PPL: variants seen among roughly 807,000 people sequenced by gnomAD.
The protein encoded by PPL is 190 kDa paraneoplastic pemphigus antigen.
In PPL, 198 loss-of-function variants were observed where a neutral mutation model predicts 194.4. The ratio of observed to expected loss-of-function variants is 1.02; its 90% CI spans 0.91 to 1.15. The LOEUF (loss-of-function observed/expected upper bound fraction) is 1.15, where lower values mean the gene tolerates loss of function less well. PPL is among the 50% of genes most tolerant of loss of function. The probability of loss-of-function intolerance (pLI) is 0.00; values close to 1 mark genes in which losing one functional copy is unlikely to be tolerated. For missense variants in PPL, 2,885 were observed against 2,294.8 expected, an observed-to-expected ratio of 1.26 and a Z score of -5.25; for synonymous variants, 1,220 against 972.4, an observed-to-expected ratio of 1.25 and a Z score of -4.74.
chr16:4,887,076 T>G, intron 21 of PPL, 59 bp downstream of exon 21: 1 of 1,319,876 alleles, frequency 7.6e-7, no homozygotes, highest in Non-Finnish European at 1.1e-6. Flanking sequence ...TAAGACAGAG[T>G]CTGTATTTGT....
In PPL at chr16:4,885,046, C is replaced by G; in HGVS notation, c.3609G>C (p.Arg1203=). The change falls in exon 22 of 22, where the codon CGG becomes CGC. Residue 1203 remains arginine (R), a synonymous_variant. Transcript: ENST00000345988. The surrounding 1 kb of genome is among the most constrained non-coding windows in gnomAD (Gnocchi z 6.3). ...LELVEQERKY[R]GAEEQLRSYQ... ...AGCTCCGGAGCTGCTCCTCGGCACC[C>G]CGGTACTTTCGCTCCTGCTCCACAA... is the stretch of plus-strand genomic sequence containing the variant. The G allele has an allele frequency of 1.2e-6, 2 of 1,613,678 alleles. No homozygotes were observed. Among genetic ancestry groups the G allele is most frequent in the Non-Finnish European group, 1.7e-6 (2 of 1,180,040 alleles).
chr16:4,888,200 C>A lies in PPL; in HGVS notation c.2416G>T (p.Glu806Ter). ...AAGTCGAGAAGAGACCTTAGTTTTTCTGCTTCTAACTCATAGTCCTGCATG... is the reference window on the plus strand; with the variant it reads ...AAGTCGAGAAGAGACCTTAGTTTTTATGCTTCTAACTCATAGTCCTGCATG... ...QAVKDYELEA[E>*]KLRSLLDLEN... The change falls in exon 20 of 22, where the codon GAA becomes TAA. Residue 806 changes from glutamate (E) to a stop codon, truncating the protein, a stop_gained. Coordinates refer to ENST00000345988, the MANE Select transcript of PPL (RefSeq NM_002705.5). LOFTEE classifies it high-confidence loss of function. The A allele has an allele frequency of 6.2e-7, 1 of 1,610,432 alleles. No homozygotes were observed. The highest frequency in any genetic ancestry group is 8.5e-7 in the Non-Finnish European group (1 of 1,176,646).
Position 4,904,016 on chromosome 16 carries a change from G to A in PPL, c.187C>T (p.Arg63Trp), listed in dbSNP as rs778454159. ...QSDLARLQEG[R>W]QPEHRDVTLQ... ...GTCACGTCCCGGTGCTCAGGCTGCC[G>A]ACCCTCCTGCAGCCGAGCCAGGTCC... Residue 63 changes from arginine to tryptophan, a missense_variant, in exon 3 of 22, where the codon CGG (arginine) becomes TGG (tryptophan). Coordinates refer to ENST00000345988, the MANE Select transcript of PPL (RefSeq NM_002705.5). 85 of 1,612,366 alleles carry A rather than the reference G, an allele frequency of 5.3e-5. No homozygotes were observed. The highest frequency in any genetic ancestry group is 2.2e-4 in the Admixed American group (13 of 59,976).
intron 1 of PPL, among the ~76,000 whole-genome samples, chr16:4,912,688 T>C (rs9925339): frequency 0.062 from 9,466 of 152,298 alleles, 459 homozygotes; most frequent in African/African-American, 0.13. Context: ...ATAAATTTCA[T>C]GGGAACGCAG....
chr16:4,894,803 A>C (rs574712009), intron 11 of PPL, among the ~76,000 whole-genome samples, 185 bp from the exon 12 acceptor site: 1 of 152,162 alleles, frequency 6.6e-6, no homozygotes, highest in South Asian at 2.1e-4. Context: ...CCAGCAACCC[A>C]CCTCCATTTC....
chr16:4,916,721 T>A (rs2088924217), intron 1 of PPL, among the ~76,000 whole-genome samples: 1 of 151,762 alleles, frequency 6.6e-6, no homozygotes, highest in Admixed American at 6.6e-5. Context: ...CCCCAGCTGG[T>A]CTTGAACCCC....
chr16:4,912,012 T>C (rs543061208), intron 1 of PPL, among the ~76,000 whole-genome samples: 1 of 152,350 alleles, frequency 6.6e-6, no homozygotes, highest in East Asian at 1.9e-4. Flanking sequence ...CTAATGCTTC[T>C]ATTTTGCCAT....
chr16:4,909,152 G>A (rs2088767368), intron 2 of PPL, among the ~76,000 whole-genome samples: 1 of 152,076 alleles, frequency 6.6e-6, no homozygotes, highest in African/African-American at 2.4e-5. Flanking sequence ...CCACTCCTGG[G>A]GCCCCTGCAG....
chr16:4,892,746 T>C (rs1567999461), intron 14 of PPL: 1 of 163,986 alleles, frequency 6.1e-6, no homozygotes, highest in Non-Finnish European at 1.3e-5. Flanking sequence ...GCCTTGAGGA[T>C]GTGGGAGACT....
At chr16:4,890,144 T>C (rs1347315230) in intron 18 of PPL, 40 bp downstream of exon 18, 1 of 1,613,526 alleles carries the variant, frequency 6.2e-7, no homozygotes, top group East Asian at 2.2e-5. Context: ...GACCCTCCCT[T>C]GCCAGTGTGT....
At chr16:4,904,531 C>T (rs4497689) in intron 2 of PPL, among the ~76,000 whole-genome samples, 143,305 of 151,986 alleles carry the variant, frequency 0.94, 68,164 homozygotes, top group East Asian at 1. Context: ...GAAGCCTCTT[C>T]GTGGTGGAGA....
Position 4,903,827 on chromosome 16 carries a change from C to T in PPL, c.317+59G>A. The T allele has an allele frequency of 5.6e-6, 9 of 1,595,918 alleles. No homozygotes were observed. In the South Asian group the frequency reaches 6.7e-5, roughly 12 times the overall value. On this transcript the variant is annotated intron_variant, in intron 3 of 21. Coordinates refer to ENST00000345988, the MANE Select transcript of PPL (RefSeq NM_002705.5). ...GGCTCCCAAATGCTGAACAGGACCC[C>T]CCGCCCTGGCCCATAGCCCCCAATG...
At position 4,884,648 on chromosome 16, in the gene PPL, A is replaced by G. The variant is rs761405383; in HGVS notation, c.4007T>C (p.Ile1336Thr). The G allele has an allele frequency of 6.2e-7, 1 of 1,613,900 alleles. No homozygotes were observed. Among genetic ancestry groups the G allele is most frequent in the Non-Finnish European group, 8.5e-7 (1 of 1,179,986 alleles). The stretch of plus-strand genomic sequence containing the variant: ...CGAGAGCTCCTCCTCTTTCCGGGCG[A>G]TCTGCTCTTCCTGGGAAGCTCTTTC... ...ERERASQEEQ[I>T]ARKEEELSRV... Residue 1336 changes from isoleucine (I) to threonine (T), a missense_variant, in exon 22 of 22, where the codon ATC (isoleucine) becomes ACC (threonine). Transcript: ENST00000345988. This position sits in a 1 kb window ranked among gnomAD's most constrained non-coding sequence, Gnocchi z 5.7.
rs766886810 is a variant in PPL at position 4,885,747 on chromosome 16, C to G, written c.2908G>C (p.Glu970Gln). The change falls in exon 22 of 22, where the codon GAG (glutamate) becomes CAG (glutamine). Residue 970 changes from glutamate to glutamine, a missense_variant. Physicochemically the swap from Glu to Gln is conservative, Grantham distance 29. Transcript: ENST00000345988. The surrounding 1 kb of genome is among the most constrained non-coding windows in gnomAD (Gnocchi z 6.3). ...AGCTGCAGCTGCAGTGCCTCCAGCT[C>G]CTCCTGCAGCAGCTGGTTCTTGTGC... The part of the protein sequence containing the change: ...EQHKNQLLQE[E>Q]LEALQLQLRA... The G allele has an allele frequency of 9.9e-6, 16 of 1,612,828 alleles. No individual in the cohort carries two copies. The African/African-American group carries it at 1.7e-4, about 17-fold the overall frequency.
chr16:4,887,512 A>G (rs1596544469), intron 20 of PPL, among the ~76,000 whole-genome samples: 2 of 152,190 alleles, frequency 1.3e-5, no homozygotes, highest in South Asian at 2.1e-4. Context: ...CAGGAGACTA[A>G]TATCAGCCCT....
intron 1 of PPL, among the ~76,000 whole-genome samples, chr16:4,916,011 T>C (rs562850247): frequency 6.6e-6 from 1 of 152,246 alleles, no homozygotes; most frequent in South Asian, 2.1e-4. Flanking sequence ...GGGATGCCAC[T>C]TTTCATCCAC....
At position 4,883,281 on chromosome 16, in the gene PPL, G is replaced by A; in HGVS notation, c.*103C>T. ...CTGGCAGCGAGGGTATGTATAAAATGCTTGGCCTGCACCAGGGCAAGGGAG... is the reference window on the plus strand; with the variant it reads ...CTGGCAGCGAGGGTATGTATAAAATACTTGGCCTGCACCAGGGCAAGGGAG... On this transcript the variant is annotated 3_prime_UTR_variant, in exon 22 of 22. Transcript: ENST00000345988. The surrounding 1 kb of genome is among the most constrained non-coding windows in gnomAD (Gnocchi z 4.8). 1 of 1,515,190 alleles carries A rather than the reference G, an allele frequency of 6.6e-7. No homozygotes were observed. The highest frequency in any genetic ancestry group is 9.0e-7 in the Non-Finnish European group (1 of 1,116,774). 93.9% of individuals were successfully genotyped at this position (1,515,190 alleles called of 1,614,324 possible).
chr16:4,900,494 G>C (rs1257578044), intron 6 of PPL, among the ~76,000 whole-genome samples: 9 of 131,096 alleles, frequency 6.9e-5, no homozygotes, highest in African/African-American at 2.5e-4. Context: ...GGCTGGAGTG[G>C]AGTGGCACGA....
chr16:4,883,198 G>C lies in PPL; in HGVS notation c.*186C>G. ...ACTCAGGGTGAATGATGGTTGGGAC[G>C]AGAGTTGCCTGTCTTCAGCCAGTGC... is the stretch of plus-strand genomic sequence containing the variant. On this transcript the variant is annotated 3_prime_UTR_variant, in exon 22 of 22. Coordinates refer to ENST00000345988, the MANE Select transcript of PPL (RefSeq NM_002705.5). This position sits in a 1 kb window ranked among gnomAD's most constrained non-coding sequence, Gnocchi z 4.8. 1 of 703,024 alleles carries C rather than the reference G, an allele frequency of 1.4e-6. No homozygotes were observed. The highest frequency in any genetic ancestry group is 2.3e-6 in the Non-Finnish European group (1 of 425,980). 43.5% of individuals were successfully genotyped at this position (703,024 alleles called of 1,614,324 possible).
Sources: gnomAD v4.1 joint callset for allele counts (sites outside exome capture counted in the v4.1 genomes callset) on GRCh38, gnomAD v4.1.1 for gene constraint, Gnocchi (gnomAD v3.1) non-coding constraint, MANE v1.5 for transcripts, NCBI Gene and HGNC (gene_info 2026-07-23, HGNC 2026-07-21) for gene names.